PYROXD2: variants seen among roughly 807,000 people sequenced by gnomAD.
PYROXD2 encodes pyridine nucleotide-disulfide oxidoreductase domain-containing protein 2.
Under a neutral mutation model 71.1 loss-of-function variants are expected in PYROXD2, and 69 were observed. The observed-to-expected ratio is 0.97, with a 90% CI of 0.80 to 1.19. The LOEUF (loss-of-function observed/expected upper bound fraction) is 1.19. Among genes scored for constraint, PYROXD2 ranks in the 50% most tolerant of loss-of-function variants. The pLI is 0.00. For missense variants in PYROXD2, 745 were observed against 748.9 expected (o/e 0.99, Z 0.06); for synonymous variants, 287 against 302.7 (o/e 0.95, Z 0.54).
At chr10:98,392,170 T>C (rs538463208) in intron 10 of PYROXD2, among the ~76,000 whole-genome samples, 23 of 152,198 alleles carry the variant, frequency 1.5e-4, no homozygotes, top group Non-Finnish European at 2.2e-4. Context: ...GAAATAACTC[T>C]AGATTGAAAG....
chr10:98,384,264 G>A lies in PYROXD2; in HGVS notation c.1676-396C>T, dbSNP rs991947112. 2.6e-5 allele frequency among the ~76,000 whole-genome samples: 4 copies of A among 152,018 alleles called. 1 individual carries two copies. The highest frequency in any genetic ancestry group is 4.4e-5 in the Non-Finnish European group (3 of 68,032). ...TGTGCATAGCAAATAGCCTCAGCCA[G>A]CTCCGTTAGGCTTGGAATGCGCACA... On this transcript the variant is annotated intron_variant, in intron 15 of 15. Coordinates refer to ENST00000370575, the MANE Select transcript of PYROXD2 (RefSeq NM_032709.3).
intron 5 of PYROXD2, among the ~76,000 whole-genome samples, 163 bp downstream of exon 5, chr10:98,399,939 T>G (rs1843333803): frequency 6.6e-6 from 1 of 152,212 alleles, no homozygotes; most frequent in Non-Finnish European, 1.5e-5. Context: ...CTCTTCGCAG[T>G]GCCTGAGATC....
intron 5 of PYROXD2, among the ~76,000 whole-genome samples, 195 bp downstream of exon 5, chr10:98,399,907 A>C (rs1843331528): frequency 6.6e-6 from 1 of 152,176 alleles, no homozygotes; most frequent in Non-Finnish European, 1.5e-5. Flanking sequence ...CACTGGTCTT[A>C]ATCAGCATCC....
At chr10:98,385,506 G>T (rs1389307965) in intron 14 of PYROXD2, among the ~76,000 whole-genome samples, 1 of 152,248 alleles carries the variant, frequency 6.6e-6, no homozygotes, top group African/African-American at 2.4e-5. Context: ...AGGGGCAACG[G>T]AGCCCGAGCA....
chr10:98,393,473 T>C (rs1435215445), intron 8 of PYROXD2, among the ~76,000 whole-genome samples: 2 of 152,134 alleles, frequency 1.3e-5, no homozygotes, highest in Non-Finnish European at 2.9e-5. Context: ...CCCATCCCAG[T>C]GAACGGCACC....
intron 5 of PYROXD2, among the ~76,000 whole-genome samples, chr10:98,399,105 C>A (rs1843301402): frequency 6.6e-6 from 1 of 152,138 alleles, no homozygotes; most frequent in Non-Finnish European, 1.5e-5. Flanking sequence ...CGCACCACTG[C>A]ACTCTAGCCT....
At position 98,388,209 on chromosome 10, in the gene PYROXD2, T is replaced by C; in HGVS notation, c.1447+145A>G. ...TCCTGACCCCTGCAGTCAACTATGT[T>C]GACTTGAGGTTCCCTTGACTATTTC... On this transcript the variant is annotated intron_variant, in intron 13 of 15. Coordinates refer to ENST00000370575, the MANE Select transcript of PYROXD2 (RefSeq NM_032709.3). 4 of 770,062 alleles carry C rather than the reference T, an allele frequency of 5.2e-6. No individual in the cohort carries two copies. In the South Asian group the frequency reaches 6.9e-5, roughly 13 times the overall value. The allele number at this position is 770,062 out of a possible 1,614,324, so 47.7% of individuals were successfully genotyped here. A position where few individuals can be genotyped will look rare whatever the true frequency, so the allele number is the denominator to read the frequency against.
At chr10:98,383,911 C>A (rs1255185107) in intron 15 of PYROXD2, 43 bp from the exon 16 acceptor site, 1 of 1,579,300 alleles carries the variant, frequency 6.3e-7, no homozygotes. Flanking sequence ...GCTCAAAAAC[C>A]TGCCAGGGTG....
intron 13 of PYROXD2, 47 bp downstream of exon 13, chr10:98,388,307 G>A (rs184023353): frequency 8.1e-6 from 13 of 1,601,370 alleles, no homozygotes; most frequent in Admixed American, 1.7e-5. Flanking sequence ...CAGTTGGGTC[G>A]CATGCCCGGC....
chr10:98,392,462 C>A lies in PYROXD2; in HGVS notation c.1032G>T (p.Pro344=). The A allele has an allele frequency of 2.5e-6, 4 of 1,613,814 alleles. No homozygotes were observed. The highest frequency in any genetic ancestry group is 3.4e-6 in the Non-Finnish European group (4 of 1,180,018). ...GCGTCAGCTTCAGGAAGGTGATCTG[C>A]GGTGATGTGTTGGACAGCACCATTT... The part of the protein sequence containing the change: ...RSKMVLSNTS[P]QITFLKLTPQ... The change falls in exon 10 of 16, where the codon CCG becomes CCT. Residue 344 remains proline, a synonymous_variant. Transcript: ENST00000370575.
At chr10:98,407,810 G>GCAGGGATGGAGACCGTCACCCGGGGTCAA in intron 3 of PYROXD2, 94 bp downstream of exon 3, 1 of 1,274,176 alleles carries the variant, frequency 7.8e-7, no homozygotes, top group African/African-American at 1.5e-5. Context: ...CCCGGGGTCA[G>GCAGGGATGGAGACCGTCACCCGGGGTCAA]CAGGGATGGA....
In PYROXD2 at chr10:98,392,550, T is replaced by C. The variant is rs771844850; in HGVS notation, c.944A>G (p.Gln315Arg). The change falls in exon 10 of 16, where the codon CAG (glutamine) becomes CGG (arginine). Residue 315 changes from glutamine to arginine, a missense_variant. Gln to Arg is a conservative substitution (Grantham distance 43). Transcript: ENST00000370575. ...TTGAACACAGCCTTCACTGTTCACCTGCACCTTCGCCACTGTCTAGAGCCC... is the reference window on the plus strand; with the variant it reads ...TTGAACACAGCCTTCACTGTTCACCCGCACCTTCGCCACTGTCTAGAGCCC... ...IFTEKTVAKV[Q>R]VNSEGCVQGV... 4.3e-6 allele frequency: 7 copies of C among 1,612,132 alleles called. No homozygotes were observed. The highest frequency in any genetic ancestry group is 5.9e-6 in the Non-Finnish European group (7 of 1,180,024).
Position 98,391,762 on chromosome 10 carries a change from AGACCTTGAGAACATGCCTG to A in PYROXD2, c.1062+651_1062+669del, listed in dbSNP as rs1431782412. Reference sequence around the variant, plus strand: ...AGCTTGCCTGCTTTTGCCCTTTGCCAGACCTTGAGAACATGCCTGGACTACCGTGCTGGAGGAGGACAGA... The same window carrying A: ...AGCTTGCCTGCTTTTGCCCTTTGCCAGACTACCGTGCTGGAGGAGGACAGA... On this transcript the variant is annotated intron_variant, in intron 10 of 15. Transcript: ENST00000370575. Among the ~76,000 whole-genome samples the A allele has an allele frequency of 5.3e-5, 8 of 152,302 alleles. No individual in the cohort carries two copies. The East Asian group carries it at 1.5e-3, about 29-fold the overall frequency.
intron 4 of PYROXD2, among the ~76,000 whole-genome samples, chr10:98,407,320 T>C (rs537940549): frequency 1.3e-5 from 2 of 152,300 alleles, no homozygotes; most frequent in South Asian, 4.1e-4. Context: ...CACGTGGGCC[T>C]GAGGGTGAAA....
At chr10:98,410,586 C>G (rs1019516384) in intron 2 of PYROXD2, 2 of 310,334 alleles carry the variant, frequency 6.4e-6, no homozygotes, top group Non-Finnish European at 1.2e-5. Context: ...CCACCCCGCC[C>G]CAGGTGCCCA....
Position 98,392,980 on chromosome 10 carries a change from A to G in PYROXD2, c.889T>C (p.Ser297Pro), listed in dbSNP as rs766978479. ...MGALSDAIAS[S>P]ATTHGASIFT... ...ATGCTTGCTCCATGTGTGGTGGCTG[A>G]GCTTGCGATCGCATCAGAGAGGGCA... Residue 297 changes from serine to proline, a missense_variant, in exon 9 of 16, where the codon TCA becomes CCA. By Grantham distance (74) the Ser-to-Pro change is moderately conservative. Coordinates refer to ENST00000370575, the MANE Select transcript of PYROXD2 (RefSeq NM_032709.3). 3.1e-6 allele frequency: 5 copies of G among 1,613,880 alleles called. No homozygotes were observed. The South Asian group carries it at 5.5e-5, about 18-fold the overall frequency.
chr10:98,386,157 G>A (rs1023665163), intron 14 of PYROXD2, among the ~76,000 whole-genome samples: 3 of 151,888 alleles, frequency 2.0e-5, no homozygotes, highest in African/African-American at 7.3e-5. Context: ...CATGCCTGTA[G>A]GCCCAGCTAC....
chr10:98,398,835 A>T (rs1475034395), intron 5 of PYROXD2, among the ~76,000 whole-genome samples: 1 of 152,186 alleles, frequency 6.6e-6, no homozygotes, highest in Non-Finnish European at 1.5e-5. Flanking sequence ...AAGCACTTTT[A>T]AAAAAGCTAA....
At position 98,400,197 on chromosome 10, in the gene PYROXD2, C is replaced by T; in HGVS notation, c.376G>A (p.Gly126Ser). 2 of 1,613,158 alleles carry T rather than the reference C, an allele frequency of 1.2e-6. No individual in the cohort carries two copies. Among genetic ancestry groups the T allele is most frequent in the East Asian group, 2.2e-5 (1 of 44,876 alleles). ...PYSFTPMLEE[G>S]AGSKVPRCLL... ...CACCTGGGCACCTTGCTGCCTGCAC[C>T]CTCTTCCAGCATGGGGGTGAAGGAG... Residue 126 changes from glycine to serine, a missense_variant, in exon 5 of 16, where the codon GGT becomes AGT. Physicochemically the swap from Gly to Ser is moderately conservative, Grantham distance 56 (BLOSUM62 0). Coordinates refer to ENST00000370575, the MANE Select transcript of PYROXD2 (RefSeq NM_032709.3).
Sources: allele counts gnomAD v4.1 joint callset (sites outside exome capture counted in the v4.1 genomes callset), GRCh38; gene constraint gnomAD v4.1.1; transcripts MANE v1.5; gene names NCBI Gene and HGNC (gene_info 2026-07-23, HGNC 2026-07-21).